The following HIVEP3 variants were observed in gnomAD, a reference collection of about 807,000 sequenced individuals.
HIVEP3 encodes transcription factor HIVEP3.
HIVEP3 carries 49 observed loss-of-function variants against 152.8 expected under a neutral mutation model. The ratio of observed to expected loss-of-function variants is 0.32; its 90% confidence interval spans 0.26 to 0.41. The LOEUF is 0.41. Among genes scored for constraint, HIVEP3 ranks in the 10% least tolerant of loss-of-function variants. The pLI, the probability that HIVEP3 is intolerant of heterozygous loss-of-function variation, is 1.00. For missense variants in HIVEP3, 2,790 were observed against 3,103.3 expected, an observed-to-expected ratio of 0.90 and a Z score of 2.40; for synonymous variants, 1,269 against 1,289.0, an observed-to-expected ratio of 0.98 and a Z score of 0.33.
chr1:41,531,156 G>C (rs943374759), intron 5 of HIVEP3, among the ~76,000 whole-genome samples: 2 of 150,344 alleles, frequency 1.3e-5, no homozygotes, highest in Non-Finnish European at 3.0e-5. Flanking sequence ...GGACAGGAGA[G>C]AAGGGAGGAC....
intron 2 of HIVEP3, among the ~76,000 whole-genome samples, chr1:41,632,099 C>T (rs2149151508): frequency 1.3e-5 from 2 of 152,324 alleles, no homozygotes; most frequent in Middle Eastern, 3.4e-3. Flanking sequence ...AGGTAAATAA[C>T]AGCATCCACT....
At position 41,545,033 on chromosome 1, in the gene HIVEP3, C is replaced by CTCT. The variant is rs1643699682; in HGVS notation, c.5208-20124_5208-20123insAGA. Among the ~76,000 whole-genome samples the CTCT allele has an allele frequency of 2.2e-5, 2 of 91,234 alleles. 1 individual carries two copies. 59.9% of individuals were successfully genotyped at this position (91,234 alleles called of 152,430 possible). On this transcript the variant is annotated intron_variant, in intron 5 of 8. Coordinates refer to ENST00000372583, the MANE Select transcript of HIVEP3 (RefSeq NM_024503.5). ...CCACCACCACTACCACCACCACCAC[C>CTCT]ACCAATACCACTACCACCACCATCA...
At chr1:41,765,159 G>A (rs190329656) in intron 1 of HIVEP3, among the ~76,000 whole-genome samples, 1 of 152,278 alleles carries the variant, frequency 6.6e-6, no homozygotes, top group East Asian at 1.9e-4. Flanking sequence ...GGAGAGGAGA[G>A]CTCTAGATTT....
chr1:41,633,450 G>T (rs984259849), intron 2 of HIVEP3, among the ~76,000 whole-genome samples: 1 of 152,126 alleles, frequency 6.6e-6, no homozygotes, highest in Admixed American at 6.5e-5. Context: ...AAAAAGAGTG[G>T]ATCCTCTCAG....
intron 1 of HIVEP3, among the ~76,000 whole-genome samples, chr1:41,724,898 C>T (rs546814814): frequency 2.6e-4 from 40 of 152,348 alleles, no homozygotes; most frequent in Admixed American, 6.5e-4. Context: ...TGAATGACTC[C>T]GGTTGTGCTC....
intron 5 of HIVEP3, among the ~76,000 whole-genome samples, chr1:41,527,875 A>C (rs1643051703): frequency 8.6e-6 from 1 of 116,014 alleles, no homozygotes; most frequent in Admixed American, 8.7e-5. Flanking sequence ...CTGTCGTCAC[A>C]CATTCACACT....
Position 41,873,712 on chromosome 1 carries a change from GGAA to G in HIVEP3, c.-801+44698_-801+44700del, listed in dbSNP as rs1326833432. On this transcript the variant is annotated intron_variant, in intron 1 of 8. Coordinates refer to ENST00000372583, the MANE Select transcript of HIVEP3 (RefSeq NM_024503.5). The surrounding 1 kb of genome is among the most constrained non-coding windows in gnomAD (Gnocchi z 4.2). ...CAGAATACCTCACTACCTTCAGAAA[GGAA>G]GAAGGAGGGAAAAAAGGACAGAGGG... 1.3e-5 allele frequency among the ~76,000 whole-genome samples: 2 copies of G among 152,232 alleles called. No individual in the cohort carries two copies. Among genetic ancestry groups the G allele is most frequent in the East Asian group, 1.9e-4 (1 of 5,182 alleles).
chr1:41,559,902 C>T (rs1644032464), intron 5 of HIVEP3, among the ~76,000 whole-genome samples: 1 of 152,334 alleles, frequency 6.6e-6, no homozygotes, highest in Non-Finnish European at 1.5e-5. Flanking sequence ...CATACCAACC[C>T]TCTAAGATAT....
At chr1:41,976,319 A>AG (rs199872871) in intron 1 of HIVEP3, among the ~76,000 whole-genome samples, 3,169 of 152,250 alleles carry the variant, frequency 0.021, 65 homozygotes, top group Non-Finnish European at 0.025. Flanking sequence ...TCAGGCTCAG[A>AG]GGGGATGAGC....
rs140367393 is a variant in HIVEP3, at chr1:41,682,852, G to A, written c.-721+18064C>T. 1.1e-4 allele frequency among the ~76,000 whole-genome samples: 16 copies of A among 152,278 alleles called. No individual in the cohort carries two copies. The East Asian group carries it at 2.5e-3, about 24-fold the overall frequency. ...GCTTGGCCTGGGACTTAGTCCTGGT[G>A]CTCACGGAGCCGTACAGACATGGAC... On this transcript the variant is annotated intron_variant, in intron 2 of 8. Coordinates refer to ENST00000372583, the MANE Select transcript of HIVEP3 (RefSeq NM_024503.5).
Position 41,580,572 on chromosome 1 carries a change from G to GT in HIVEP3, c.4225_4226insA (p.Ser1409TyrfsTer31). On this transcript the variant is annotated frameshift_variant, in exon 4 of 9. Coordinates refer to ENST00000372583, the MANE Select transcript of HIVEP3 (RefSeq NM_024503.5). LOFTEE classifies it high-confidence loss of function. ...GCTCAAGATACTCTCTGATGACAGG[G>GT]AAGTGCCTTTTCTTTCAGGTAATGT... 1 of 1,614,240 alleles carries GT rather than the reference G, an allele frequency of 6.2e-7. No individual in the cohort carries two copies. Among genetic ancestry groups the GT allele is most frequent in the Non-Finnish European group, 8.5e-7 (1 of 1,180,052 alleles).
intron 3 of HIVEP3, among the ~76,000 whole-genome samples, chr1:41,617,366 G>A (rs892887164): frequency 2.0e-5 from 3 of 152,212 alleles, no homozygotes; most frequent in Non-Finnish European, 2.9e-5. Flanking sequence ...AATGAGCCAT[G>A]TCATTTTCAC....
At chr1:42,006,209 G>T (rs1645458415) in intron 1 of HIVEP3, among the ~76,000 whole-genome samples, 1 of 152,272 alleles carries the variant, frequency 6.6e-6, no homozygotes, top group South Asian at 2.1e-4. Context: ...GTGTCTTTCA[G>T]TGTGCATGTG....
At chr1:41,538,840 C>T (rs978190926) in intron 5 of HIVEP3, among the ~76,000 whole-genome samples, 11 of 152,048 alleles carry the variant, frequency 7.2e-5, no homozygotes, top group African/African-American at 1.4e-4. Context: ...GCCTTCACTG[C>T]GAACATTAGG....
chr1:41,659,365 A>G (rs987128413), intron 2 of HIVEP3, among the ~76,000 whole-genome samples: 2 of 152,184 alleles, frequency 1.3e-5, no homozygotes, highest in Non-Finnish European at 2.9e-5. Context: ...TTCAGAGTGT[A>G]TATGACGACT....
At chr1:41,574,876 C>G (rs528814069) in intron 5 of HIVEP3, among the ~76,000 whole-genome samples, 1 of 152,182 alleles carries the variant, frequency 6.6e-6, no homozygotes, top group Non-Finnish European at 1.5e-5. Context: ...CCACAAAGCA[C>G]GTCTGAAACA....
At chr1:41,550,337 T>G (rs1197354905) in intron 5 of HIVEP3, among the ~76,000 whole-genome samples, 3 of 152,222 alleles carry the variant, frequency 2.0e-5, no homozygotes, top group South Asian at 2.1e-4. Flanking sequence ...TCTTTTTGCT[T>G]AGGATTGACT....
Position 41,646,906 on chromosome 1 carries a change from A to G in HIVEP3, c.-720-17959T>C, listed in dbSNP as rs1399070476. Among the ~76,000 whole-genome samples the G allele has an allele frequency of 3.3e-5, 5 of 152,184 alleles. No individual in the cohort carries two copies. In the East Asian group the frequency reaches 9.6e-4, roughly 29 times the overall value. On this transcript the variant is annotated intron_variant, in intron 2 of 8. Transcript: ENST00000372583. ...TTAACAGGGCTGCATTGCTTTCTGG[A>G]GGCTCCAGGGAAGAATCTGTTTCCT...
At chr1:41,548,559 G>A (rs1032170935) in intron 5 of HIVEP3, among the ~76,000 whole-genome samples, 1 of 150,990 alleles carries the variant, frequency 6.6e-6, no homozygotes, top group Non-Finnish European at 1.5e-5. Flanking sequence ...TTTTGAGACC[G>A]AGTTTTGCTC....
Sources: gnomAD v4.1 joint callset for allele counts (sites outside exome capture counted in the v4.1 genomes callset) on GRCh38, gnomAD v4.1.1 for gene constraint, Gnocchi (gnomAD v3.1) non-coding constraint, MANE v1.5 for transcripts, NCBI Gene and HGNC (gene_info 2026-07-23, HGNC 2026-07-21) for gene names.